The following LPP variants were observed in gnomAD, a reference collection of about 807,000 sequenced individuals.
LPP encodes lipoma-preferred partner.
A neutral mutation model predicts 60.4 loss-of-function variants in LPP; 38 were observed. The ratio of observed to expected loss-of-function variants is 0.63; its 90% CI spans 0.49 to 0.83. LPP has a LOEUF of 0.83. LPP is among the 40% of genes least tolerant of loss of function. The pLI, the probability that LPP is intolerant of heterozygous loss-of-function variation, is 0.00. For missense variants in LPP, 902 were observed against 783.6 expected (o/e 1.15, Z -1.80); for synonymous variants, 328 against 290.8 (o/e 1.13, Z -1.30).
In LPP at chr3:188,862,614, C is replaced by G. The variant is rs184405857; in HGVS notation, c.1411-3586C>G. 4.4e-3 allele frequency among the ~76,000 whole-genome samples: 665 copies of G among 151,550 alleles called. 9 individuals carry two copies. Among genetic ancestry groups the G allele is most frequent in the African/African-American group, 0.014 (598 of 41,264 alleles). On this transcript the variant is annotated intron_variant, in intron 9 of 11. Transcript: ENST00000617246. ...ACCACGATGGAGCTGGATCAGCAGT[C>G]CAGTCACAAAGCACGCTACTGATAT...
chr3:188,500,382 T>C (rs1811478980), intron 5 of LPP, among the ~76,000 whole-genome samples: 1 of 152,192 alleles, frequency 6.6e-6, no homozygotes, highest in South Asian at 2.1e-4. Flanking sequence ...ATATAATATA[T>C]AACCTTGATT....
intron 2 of LPP, among the ~76,000 whole-genome samples, chr3:188,247,452 T>A (rs73059659): frequency 0.017 from 2,585 of 152,204 alleles, 71 homozygotes; most frequent in African/African-American, 0.056. Flanking sequence ...TTGGTGAAAT[T>A]GGTTTGTAAT....
At chr3:188,608,584 A>G (rs372845144) in intron 6 of LPP, among the ~76,000 whole-genome samples, 2 of 152,196 alleles carry the variant, frequency 1.3e-5, no homozygotes, top group African/African-American at 4.8e-5. Flanking sequence ...TTTGTAATAT[A>G]TTTTGAAATT....
chr3:188,510,205 C>T (rs921739764), intron 5 of LPP, among the ~76,000 whole-genome samples: 2 of 152,162 alleles, frequency 1.3e-5, no homozygotes, highest in Non-Finnish European at 2.9e-5. Flanking sequence ...AAGCTTGAGA[C>T]GACATTATTC....
At chr3:188,226,577 G>A (rs1376275014) in intron 2 of LPP, among the ~76,000 whole-genome samples, 1 of 152,094 alleles carries the variant, frequency 6.6e-6, no homozygotes, top group African/African-American at 2.4e-5. Flanking sequence ...GAATACCCTG[G>A]GCTCTAAGGA....
chr3:188,285,270 A>C (rs370435207), intron 2 of LPP, among the ~76,000 whole-genome samples: 3 of 152,202 alleles, frequency 2.0e-5, no homozygotes, highest in Non-Finnish European at 4.4e-5. Context: ...TTCTGTTTCT[A>C]TATATGTGAA....
At chr3:188,435,893 TAA>T (rs1181917978) in intron 4 of LPP, among the ~76,000 whole-genome samples, 2 of 152,214 alleles carry the variant, frequency 1.3e-5, no homozygotes, top group Non-Finnish European at 2.9e-5. Flanking sequence ...CCTGCTGTCC[TAA>T]AGAGACAAAA....
At chr3:188,455,111 G>A (rs1271126828) in intron 4 of LPP, among the ~76,000 whole-genome samples, 1 of 152,184 alleles carries the variant, frequency 6.6e-6, no homozygotes, top group Non-Finnish European at 1.5e-5. Context: ...GCCAATTAGA[G>A]TGGGAGATAG....
chr3:188,607,403 ATATATATATATATAAT>A (rs1560628763), intron 6 of LPP, among the ~76,000 whole-genome samples: 1 of 28,964 alleles, frequency 3.5e-5, no homozygotes, highest in Non-Finnish European at 8.6e-5. Flanking sequence ...ATATATATAT[ATATATATATATATAAT>A]TTTTTTTTCC....
At chr3:188,854,133 C>A (rs755550336) in intron 9 of LPP, among the ~76,000 whole-genome samples, 1 of 152,192 alleles carries the variant, frequency 6.6e-6, no homozygotes, top group Non-Finnish European at 1.5e-5. Context: ...GTCCACCACC[C>A]TTTTGCAACA....
intron 5 of LPP, among the ~76,000 whole-genome samples, chr3:188,486,819 A>G (rs1474898960): frequency 6.6e-6 from 1 of 152,190 alleles, no homozygotes; most frequent in Admixed American, 6.5e-5. Flanking sequence ...AGTCCTATAA[A>G]GTTTGTATTT....
At chr3:188,239,345 A>G (rs964355500) in intron 2 of LPP, among the ~76,000 whole-genome samples, 9 of 152,208 alleles carry the variant, frequency 5.9e-5, no homozygotes, top group Admixed American at 2.0e-4. Flanking sequence ...CATTTTATTT[A>G]AAACAAAACA....
At chr3:188,604,940 C>T (rs78724349) in intron 6 of LPP, among the ~76,000 whole-genome samples, 3,093 of 152,150 alleles carry the variant, frequency 0.02, 58 homozygotes, top group Non-Finnish European at 0.031. Flanking sequence ...TCCTAGGAAT[C>T]AGCTAGATAA....
At chr3:188,556,952 T>A (rs1192339683) in intron 6 of LPP, among the ~76,000 whole-genome samples, 3 of 152,114 alleles carry the variant, frequency 2.0e-5, no homozygotes, top group Non-Finnish European at 4.4e-5. Context: ...GAGTTCCTTT[T>A]CTCTGTAAAT....
In LPP at chr3:188,219,187, C is replaced by A. The variant is rs547663175; in HGVS notation, c.-189-6218C>A. ...AAGAACCTAGCTGTATACATATTAT[C>A]GTTTCCATTTTACAAATGAAGAAAC... On this transcript the variant is annotated intron_variant, in intron 1 of 11. Coordinates refer to ENST00000617246, the MANE Select transcript of LPP (RefSeq NM_001375462.1). 2.0e-5 allele frequency among the ~76,000 whole-genome samples: 3 copies of A among 152,230 alleles called. No homozygotes were observed. In the South Asian group the frequency reaches 6.2e-4, roughly 32 times the overall value.
At chr3:188,801,642 G>T (rs1368606807) in intron 9 of LPP, among the ~76,000 whole-genome samples, 1 of 152,142 alleles carries the variant, frequency 6.6e-6, no homozygotes, top group Non-Finnish European at 1.5e-5. Flanking sequence ...TAGTACCAGA[G>T]TGGTACCCAG....
At chr3:188,293,559 A>G (rs1746765412) in intron 2 of LPP, among the ~76,000 whole-genome samples, 1 of 152,238 alleles carries the variant, frequency 6.6e-6, no homozygotes, top group African/African-American at 2.4e-5. Context: ...TAAGCAAAAT[A>G]TATGTCAAAC....
intron 8 of LPP, among the ~76,000 whole-genome samples, chr3:188,756,145 A>G (rs1730149621): frequency 6.6e-6 from 1 of 152,172 alleles, no homozygotes; most frequent in African/African-American, 2.4e-5. Context: ...TTTCTGACAC[A>G]TTGCTGAGGT....
At chr3:188,604,961 A>G (rs182153918) in intron 6 of LPP, among the ~76,000 whole-genome samples, 4 of 152,236 alleles carry the variant, frequency 2.6e-5, no homozygotes, top group East Asian at 1.9e-4. Context: ...TTCAAAGACA[A>G]TGGAGAAGTG....
Sources: gnomAD v4.1 joint callset for allele counts (sites outside exome capture counted in the v4.1 genomes callset) on GRCh38, gnomAD v4.1.1 for gene constraint, MANE v1.5 for transcripts, NCBI Gene and HGNC (gene_info 2026-07-23, HGNC 2026-07-21) for gene names.